Variants in ZNF200 observed in about 807,000 individuals in gnomAD.
The protein encoded by ZNF200 is zinc finger protein 200.
In ZNF200, 35 loss-of-function variants were observed where a neutral mutation model predicts 33.6. The observed-to-expected ratio is 1.04, with a 90% CI of 0.80 to 1.38. The LOEUF (loss-of-function observed/expected upper bound fraction) is 1.38. ZNF200 is among the 40% of genes most tolerant of loss of function. The probability of loss-of-function intolerance (pLI) is 0.00; values close to 1 mark genes in which losing one functional copy is unlikely to be tolerated. For missense variants in ZNF200, 592 were observed against 470.6 expected, an observed-to-expected ratio of 1.26 and a Z score of -2.39; for synonymous variants, 209 against 167.7, an observed-to-expected ratio of 1.25 and a Z score of -1.90.
Position 3,224,413 on chromosome 16 carries a change from C to T in ZNF200, c.667G>A (p.Glu223Lys), listed in dbSNP as rs780491330. ...AGTTCCTCTAGAGGAGTATCATTCT[C>T]AATGGTAACTAACAGATTTCTCATT... ...RKMRNLLVTIENDTPLEELSK... is the reference protein window; with the variant it reads ...RKMRNLLVTIKNDTPLEELSK... Residue 223 changes from glutamate (E) to lysine (K), a missense_variant, in exon 5 of 5, where the codon GAG (glutamate) becomes AAG (lysine). Coordinates refer to ENST00000414144, the MANE Select transcript of ZNF200 (RefSeq NM_198088.3). The T allele has an allele frequency of 6.2e-7, 1 of 1,614,148 alleles. No individual in the cohort carries two copies. The highest frequency in any genetic ancestry group is 1.1e-5 in the South Asian group (1 of 91,068).
intron 1 of ZNF200, 78 bp from the exon 2 acceptor site, chr16:3,233,914 G>A: frequency 5.2e-6 from 6 of 1,162,194 alleles, no homozygotes; most frequent in African/African-American, 1.6e-5. Flanking sequence ...CATGGCTGGT[G>A]AGGCTACATG....
At position 3,224,620 on chromosome 16, in the gene ZNF200, CAA is replaced by C. The variant is rs375643387; in HGVS notation, c.467-9_467-8del. The C allele has an allele frequency of 3.3e-4, 524 of 1,573,432 alleles. 3 individuals carry two copies. In the African/African-American group the frequency reaches 6.4e-3, roughly 19 times the overall value. On this transcript the variant is annotated splice_region_variant and splice_polypyrimidine_tract_variant and intron_variant, in intron 4 of 4. Coordinates refer to ENST00000414144, the MANE Select transcript of ZNF200 (RefSeq NM_198088.3). ...GGATTACTGCCATTGACTGCTGAAA[CAA>C]AGAGAGAATTTAACAACTTCTGAGA... is the stretch of plus-strand genomic sequence containing the variant.
chr16:3,231,998 C>G (rs1481613592), intron 4 of ZNF200, among the ~76,000 whole-genome samples: 1 of 152,212 alleles, frequency 6.6e-6, no homozygotes, highest in Non-Finnish European at 1.5e-5. Flanking sequence ...TTAAACATTA[C>G]TTTCACCAAT....
chr16:3,232,586 G>C (rs1958664069), intron 3 of ZNF200, 39 bp from the exon 4 acceptor site: 1 of 1,608,288 alleles, frequency 6.2e-7, no homozygotes, highest in Non-Finnish European at 8.5e-7. Flanking sequence ...TAGTAACTGA[G>C]GTTCACTGAC....
intron 4 of ZNF200, chr16:3,226,043 TTTTC>T (rs144433982): frequency 0.41 from 53,622 of 131,496 alleles, 10,166 homozygotes; most frequent in South Asian, 0.64. Flanking sequence ...CTTAATTATT[TTTTC>T]TTTCTTTTTT....
chr16:3,227,356 A>G (rs1418376937), intron 4 of ZNF200: 1 of 152,212 alleles, frequency 6.6e-6, no homozygotes, highest in Admixed American at 6.5e-5. Context: ...CATATTTTCT[A>G]AATGTGCTTT....
At position 3,233,848 on chromosome 16, in the gene ZNF200, G is replaced by A. The variant is rs545293401; in HGVS notation, c.-81-12C>T. ...GCCAGAGAGCCAAGCTGTAGACAGA[G>A]AAACCAGGGATTACCCAAAAGACCA... is the stretch of plus-strand genomic sequence containing the variant. On this transcript the variant is annotated splice_polypyrimidine_tract_variant and intron_variant, in intron 1 of 4. Coordinates refer to ENST00000414144, the MANE Select transcript of ZNF200 (RefSeq NM_198088.3). The A allele has an allele frequency of 6.8e-4, 1,016 of 1,502,934 alleles. No individual in the cohort carries two copies. Among genetic ancestry groups the A allele is most frequent in the Non-Finnish European group, 8.3e-4 (934 of 1,127,346 alleles). 93.1% of individuals were successfully genotyped at this position (1,502,934 alleles called of 1,614,324 possible). A position where few individuals can be genotyped will look rare whatever the true frequency, so the allele number is the denominator to read the frequency against.
In ZNF200 at chr16:3,222,576, A is replaced by T. The variant is rs1163445741; in HGVS notation, c.*1316T>A. The stretch of plus-strand genomic sequence containing the variant: ...AGGAATATAATACTCTAATAAATAG[A>T]AAGGCATGTTTCTGGATGGGAAACA... On this transcript the variant is annotated 3_prime_UTR_variant, in exon 5 of 5. Transcript: ENST00000414144. The T allele has an allele frequency of 1.3e-5, 2 of 152,258 alleles. No homozygotes were observed. Among genetic ancestry groups the T allele is most frequent in the Admixed American group, 1.3e-4 (2 of 15,288 alleles). 9.4% of individuals were successfully genotyped at this position (152,258 alleles called of 1,614,324 possible).
chr16:3,228,739 T>A (rs1435908735), intron 4 of ZNF200, among the ~76,000 whole-genome samples: 1 of 151,990 alleles, frequency 6.6e-6, no homozygotes, highest in Admixed American at 6.6e-5. Context: ...TGACCTCAGG[T>A]ATCACCCGCC....
rs369472974 is a variant in ZNF200 at position 3,230,103 on chromosome 16, C to T, written c.466+2318G>A. ...GTGGCTGTTTAAAAGAGCCTGGCAC[C>T]TTCCTACTCTCTTTCTTCCTCTCTT... is the stretch of plus-strand genomic sequence containing the variant. On this transcript the variant is annotated intron_variant, in intron 4 of 4. Coordinates refer to ENST00000414144, the MANE Select transcript of ZNF200 (RefSeq NM_198088.3). Among the ~76,000 whole-genome samples, 10 of 152,304 alleles carry T rather than the reference C, an allele frequency of 6.6e-5. No homozygotes were observed. In the East Asian group the frequency reaches 9.6e-4, roughly 15 times the overall value.
intron 2 of ZNF200, 99 bp from the exon 3 acceptor site, chr16:3,233,020 G>T: frequency 9.6e-7 from 1 of 1,042,638 alleles, no homozygotes; most frequent in Non-Finnish European, 1.4e-6. Flanking sequence ...CCTTTGACAG[G>T]TAACTCATGG....
rs760544631 is a variant in ZNF200, at chr16:3,224,572, C to T, written c.508G>A (p.Glu170Lys). ...SNPEGEDPER[E>K]PVENEDYREK... ...CTATAATCTTCATTTTCTACAGGTT[C>T]CCTCTCAGGATCTTCACCTTCAGGA... Residue 170 changes from glutamate to lysine, a missense_variant, in exon 5 of 5, where the codon GAA becomes AAA. Transcript: ENST00000414144. 1.9e-6 allele frequency: 3 copies of T among 1,609,866 alleles called. No individual in the cohort carries two copies. Among genetic ancestry groups the T allele is most frequent in the Non-Finnish European group, 2.5e-6 (3 of 1,177,432 alleles).
intron 4 of ZNF200, chr16:3,227,308 C>A (rs939071833): frequency 6.6e-6 from 1 of 152,156 alleles, no homozygotes; most frequent in African/African-American, 2.4e-5. Flanking sequence ...GTCTTAATTA[C>A]AAAAACCTTC....
rs1567215728 is a variant in ZNF200 at position 3,224,092 on chromosome 16, G to A, written c.988C>T (p.His330Tyr). The A allele has an allele frequency of 6.2e-7, 1 of 1,613,882 alleles. No individual in the cohort carries two copies. The highest frequency in any genetic ancestry group is 8.5e-7 in the Non-Finnish European group (1 of 1,180,010). Reference sequence around the variant, plus strand: ...CACTTAAATATCTTCTCCCTTATATGGATTCCTTCATGACGACTCCGATGA... The same window carrying A: ...CACTTAAATATCTTCTCCCTTATATAGATTCCTTCATGACGACTCCGATGA... ...NSHRSRHEGI[H>Y]IREKIFKCPE... Residue 330 changes from histidine (H) to tyrosine (Y), a missense_variant, in exon 5 of 5, where the codon CAT becomes TAT. By Grantham distance (83) the His-to-Tyr change is moderately conservative. Transcript: ENST00000414144.
At chr16:3,228,568 C>T (rs1958541077) in intron 4 of ZNF200, among the ~76,000 whole-genome samples, 2 of 152,042 alleles carry the variant, frequency 1.3e-5, no homozygotes, top group South Asian at 2.1e-4. Context: ...GATCTCAGCT[C>T]ACTGCAACCT....
intron 4 of ZNF200, among the ~76,000 whole-genome samples, chr16:3,229,998 C>A (rs1324881289): frequency 1.3e-5 from 2 of 152,336 alleles, no homozygotes; most frequent in African/African-American, 4.8e-5. Context: ...GTGTCTGCAT[C>A]ATGTGGGTAG....
chr16:3,224,128 G>T lies in ZNF200; in HGVS notation c.952C>A (p.Arg318Ser), dbSNP rs770252691. The T allele has an allele frequency of 6.2e-7, 1 of 1,614,034 alleles. No individual in the cohort carries two copies. Among genetic ancestry groups the T allele is most frequent in the Non-Finnish European group, 8.5e-7 (1 of 1,179,988 alleles). Reference sequence around the variant, plus strand: ...TGACGACTCCGATGAGAATTCTGACGGAAGTTTTTTCCACACTGAGAACAG... The same window carrying T: ...TGACGACTCCGATGAGAATTCTGACTGAAGTTTTTTCCACACTGAGAACAG... ...YSCSQCGKNF[R>S]QNSHRSRHEG... Residue 318 changes from arginine to serine, a missense_variant, in exon 5 of 5, where the codon CGT becomes AGT. Arg to Ser is a moderately radical substitution (Grantham distance 110). Coordinates refer to ENST00000414144, the MANE Select transcript of ZNF200 (RefSeq NM_198088.3).
chr16:3,228,478 T>G (rs1436795357), intron 4 of ZNF200, among the ~76,000 whole-genome samples: 1 of 150,622 alleles, frequency 6.6e-6, no homozygotes, highest in East Asian at 1.9e-4. Flanking sequence ...TATTAATAGA[T>G]TTGTATTATT....
At chr16:3,233,965 C>A in intron 1 of ZNF200, 129 bp from the exon 2 acceptor site, 1 of 612,522 alleles carries the variant, frequency 1.6e-6, no homozygotes. Flanking sequence ...GAAATCATAA[C>A]TGAAACGCAG....
Sources: allele counts gnomAD v4.1 joint callset (sites outside exome capture counted in the v4.1 genomes callset), GRCh38; gene constraint gnomAD v4.1.1; transcripts MANE v1.5; gene names NCBI Gene and HGNC (gene_info 2026-07-23, HGNC 2026-07-21).